CNTN4: variants seen among roughly 807,000 people sequenced by gnomAD.
CNTN4 encodes contactin 4.
A neutral mutation model predicts 122.5 loss-of-function variants in CNTN4; 77 were observed. That is an observed-to-expected ratio of 0.63 (90% CI 0.52 to 0.76). The LOEUF is 0.76. CNTN4 is among the 30% of genes least tolerant of loss of function. The pLI is 0.00. For synonymous variants in CNTN4, 512 were observed against 447.0 expected (o/e 1.15, Z -1.83); for missense variants, 1,256 against 1,259.1 (o/e 1.00, Z 0.04).
chr3:2,675,595 T>G (rs1316693527), intron 4 of CNTN4, among the ~76,000 whole-genome samples: 1 of 152,226 alleles, frequency 6.6e-6, no homozygotes, highest in Admixed American at 6.5e-5. Context: ...AAAAGACTGA[T>G]GGGCCACTGT....
intron 13 of CNTN4, among the ~76,000 whole-genome samples, chr3:2,937,329 T>G (rs932990360): frequency 5.3e-5 from 8 of 152,152 alleles, no homozygotes; most frequent in African/African-American, 9.7e-5. Flanking sequence ...CCCCAAAATC[T>G]GAACTCCCTG....
intron 2 of CNTN4, among the ~76,000 whole-genome samples, chr3:2,336,227 G>C (rs976517865): frequency 6.6e-6 from 1 of 152,080 alleles, no homozygotes; most frequent in Admixed American, 6.6e-5. Context: ...TTTATTTGGG[G>C]GGGGGAGGTG....
chr3:2,626,907 C>T (rs186900658), intron 4 of CNTN4, among the ~76,000 whole-genome samples: 1 of 152,332 alleles, frequency 6.6e-6, no homozygotes, highest in East Asian at 1.9e-4. Flanking sequence ...ACAGGGATGC[C>T]ATGCAAGGGC....
At chr3:2,639,832 C>G (rs1350174623) in intron 4 of CNTN4, among the ~76,000 whole-genome samples, 3 of 152,086 alleles carry the variant, frequency 2.0e-5, no homozygotes, top group Non-Finnish European at 2.9e-5. Context: ...CAGATAAAGC[C>G]AAATGATTGA....
intron 23 of CNTN4, among the ~76,000 whole-genome samples, chr3:3,053,589 C>G (rs890541440): frequency 4.6e-5 from 7 of 152,112 alleles, no homozygotes; most frequent in African/African-American, 1.7e-4. Context: ...GTTGCTGATG[C>G]CCCTGATATA....
Position 2,889,179 on chromosome 3 carries a change from C to A in CNTN4, c.940+1955C>A, listed in dbSNP as rs2151029598. On this transcript the variant is annotated intron_variant, in intron 10 of 24. Transcript: ENST00000418658. ...ACTATGAGCCAGCCTTCAATGACCT[C>A]CCCTAAGTGACTCTCAGCATTTCAT... Among the ~76,000 whole-genome samples, 2 of 152,306 alleles carry A rather than the reference C, an allele frequency of 1.3e-5. 1 individual carries two copies. Among genetic ancestry groups the A allele is most frequent in the South Asian group, 4.1e-4 (2 of 4,824 alleles).
At chr3:2,834,390 C>T (rs1352607032) in intron 7 of CNTN4, among the ~76,000 whole-genome samples, 3 of 151,952 alleles carry the variant, frequency 2.0e-5, no homozygotes, top group Non-Finnish European at 4.4e-5. Flanking sequence ...CATGGTGAAA[C>T]CCCATCTCTA....
intron 4 of CNTN4, among the ~76,000 whole-genome samples, chr3:2,678,260 A>G (rs1476469498): frequency 6.6e-6 from 1 of 152,204 alleles, no homozygotes; most frequent in Non-Finnish European, 1.5e-5. Context: ...TTCAAAGTCT[A>G]GAATTCCAGG....
At chr3:2,159,482 G>T (rs2035865866) in intron 2 of CNTN4, among the ~76,000 whole-genome samples, 1 of 152,160 alleles carries the variant, frequency 6.6e-6, no homozygotes, top group South Asian at 2.1e-4. Context: ...AATTGCAGGG[G>T]TCTCTGAGCA....
chr3:2,571,361 G>T (rs1053293113), intron 3 of CNTN4, 55 bp from the exon 4 acceptor site: 2 of 704,562 alleles, frequency 2.8e-6, no homozygotes, highest in South Asian at 1.6e-5. Flanking sequence ...AACTTGCAGA[G>T]ACCACAAGGA....
At chr3:2,742,041 T>A (rs1382354303) in intron 5 of CNTN4, among the ~76,000 whole-genome samples, 1 of 152,198 alleles carries the variant, frequency 6.6e-6, no homozygotes, top group East Asian at 1.9e-4. Flanking sequence ...GCATTCCTCT[T>A]GTTGAAAGAA....
At chr3:2,965,032 C>T (rs1030881526) in intron 13 of CNTN4, among the ~76,000 whole-genome samples, 14 of 152,182 alleles carry the variant, frequency 9.2e-5, no homozygotes, top group African/African-American at 3.4e-4. Context: ...ATTGGCCCTT[C>T]CCAACTCCAG....
chr3:2,101,943 CTG>C (rs887703838), intron 2 of CNTN4, among the ~76,000 whole-genome samples: 3 of 152,136 alleles, frequency 2.0e-5, no homozygotes, highest in Admixed American at 6.5e-5. Context: ...TTCATCATCT[CTG>C]ATACTCTAGC....
chr3:2,276,326 C>G (rs2149856184), intron 2 of CNTN4, among the ~76,000 whole-genome samples: 1 of 152,152 alleles, frequency 6.6e-6, no homozygotes, highest in African/African-American at 2.4e-5. Context: ...GTGCAAGCCA[C>G]TGTGCTCAGC....
intron 2 of CNTN4, among the ~76,000 whole-genome samples, chr3:2,146,101 T>TA (rs1553577780): frequency 2.7e-5 from 2 of 73,298 alleles, no homozygotes; most frequent in African/African-American, 5.5e-5. Context: ...TTTCAATTTA[T>TA]TTTATTTTTA....
At position 2,270,200 on chromosome 3, in the gene CNTN4, C is replaced by T. The variant is rs1182914045; in HGVS notation, c.-144-68978C>T. On this transcript the variant is annotated intron_variant, in intron 2 of 24. Transcript: ENST00000418658. ...TCCTGACCTCATGATCCACCCGCCT[C>T]GGCCTCCCAAAGTGCTGGGATTACA... Among the ~76,000 whole-genome samples the T allele has an allele frequency of 2.4e-4, 9 of 37,276 alleles. 3 individuals are homozygous for T. Among genetic ancestry groups the T allele is most frequent in the Non-Finnish European group, 4.6e-4 (6 of 13,144 alleles). The allele number at this position is 37,276 out of a possible 152,430, so 24.5% of individuals were successfully genotyped here.
At chr3:2,749,751 A>G (rs551712201) in intron 6 of CNTN4, among the ~76,000 whole-genome samples, 3 of 152,224 alleles carry the variant, frequency 2.0e-5, no homozygotes, top group East Asian at 1.9e-4. Context: ...TATCTTTTTG[A>G]TCATTGATCC....
chr3:2,598,756 T>G (rs2080889592), intron 4 of CNTN4, among the ~76,000 whole-genome samples: 1 of 152,030 alleles, frequency 6.6e-6, no homozygotes, highest in African/African-American at 2.4e-5. Flanking sequence ...TTAGTTGATG[T>G]GTTTATTTGT....
At chr3:2,566,638 AT>A (rs139411218) in intron 3 of CNTN4, among the ~76,000 whole-genome samples, 10,169 of 152,308 alleles carry the variant, frequency 0.067, 372 homozygotes, top group East Asian at 0.1. Flanking sequence ...CCAAGTTTAA[AT>A]AAACGATGAT....
Sources: allele counts gnomAD v4.1 joint callset (sites outside exome capture counted in the v4.1 genomes callset), GRCh38; gene constraint gnomAD v4.1.1; transcripts MANE v1.5; gene names NCBI Gene and HGNC (gene_info 2026-07-23, HGNC 2026-07-21).